SSBP2: variants seen among roughly 807,000 people sequenced by gnomAD.
SSBP2 encodes single-stranded DNA-binding protein 2.
In SSBP2, 17 loss-of-function variants were observed where a neutral mutation model predicts 61.8. The observed-to-expected ratio is 0.28, with a 90% confidence interval of 0.19 to 0.41. The LOEUF (loss-of-function observed/expected upper bound fraction) is 0.41. SSBP2 is among the 10% of genes least tolerant of loss of function. The pLI, the probability that SSBP2 is intolerant of heterozygous loss-of-function variation, is 1.00. For missense variants in SSBP2, 310 were observed against 458.7 expected, an observed-to-expected ratio of 0.68 and a Z score of 2.96; for synonymous variants, 139 against 141.3, an observed-to-expected ratio of 0.98 and a Z score of 0.12.
intron 4 of SSBP2, among the ~76,000 whole-genome samples, chr5:81,541,929 T>G (rs1771304547): frequency 6.6e-6 from 1 of 152,176 alleles, no homozygotes; most frequent in South Asian, 2.1e-4. Context: ...TGGAACCTAA[T>G]TCAACTAAAG....
intron 4 of SSBP2, among the ~76,000 whole-genome samples, chr5:81,514,705 T>C (rs1351575549): frequency 1.3e-5 from 2 of 152,054 alleles, no homozygotes; most frequent in East Asian, 1.9e-4. Context: ...TATTCATTCA[T>C]GCATTAATAT....
chr5:81,723,490 AG>A (rs1755678052), intron 1 of SSBP2, among the ~76,000 whole-genome samples: 1 of 152,034 alleles, frequency 6.6e-6, no homozygotes, highest in African/African-American at 2.4e-5. Flanking sequence ...AGAAACACAC[AG>A]AGTAAAAGTT....
intron 5 of SSBP2, among the ~76,000 whole-genome samples, chr5:81,508,883 ATTC>A (rs938445571): frequency 3.9e-5 from 6 of 152,212 alleles, no homozygotes; most frequent in Non-Finnish European, 5.9e-5. Context: ...ATTATAAATT[ATTC>A]TTCTTTACTT....
At chr5:81,590,596 C>T (rs1051478699) in intron 4 of SSBP2, among the ~76,000 whole-genome samples, 2 of 152,194 alleles carry the variant, frequency 1.3e-5, no homozygotes, top group Admixed American at 1.3e-4. Context: ...GGGGAATGCT[C>T]GTCCATTCAC....
intron 6 of SSBP2, among the ~76,000 whole-genome samples, chr5:81,476,996 GTA>G (rs1263042440): frequency 1.3e-5 from 2 of 151,982 alleles, no homozygotes; most frequent in Non-Finnish European, 2.9e-5. Context: ...GTGTGTGTGT[GTA>G]TGTGTGTGTG....
intron 4 of SSBP2, among the ~76,000 whole-genome samples, chr5:81,578,524 A>G (rs1774401921): frequency 6.6e-6 from 1 of 152,010 alleles, no homozygotes; most frequent in Non-Finnish European, 1.5e-5. Flanking sequence ...AGGGCCAAAG[A>G]TTTTTAAAAA....
At chr5:81,476,811 C>A (rs574314209) in intron 6 of SSBP2, among the ~76,000 whole-genome samples, 4 of 152,146 alleles carry the variant, frequency 2.6e-5, no homozygotes, top group Non-Finnish European at 5.9e-5. Flanking sequence ...CCATGTCCAT[C>A]ATTCTTTTTA....
At chr5:81,649,758 CCTT>C (rs1749573139) in intron 2 of SSBP2, among the ~76,000 whole-genome samples, 1 of 151,168 alleles carries the variant, frequency 6.6e-6, no homozygotes, top group African/African-American at 2.4e-5. Flanking sequence ...ACAAGTACCT[CCTT>C]ATCTAAAATA....
At chr5:81,718,588 G>C (rs894143161) in intron 1 of SSBP2, among the ~76,000 whole-genome samples, 7 of 152,152 alleles carry the variant, frequency 4.6e-5, no homozygotes, top group African/African-American at 1.7e-4. Context: ...GGAAGTTGGT[G>C]GGGGCTGAGG....
intron 6 of SSBP2, among the ~76,000 whole-genome samples, chr5:81,477,705 G>C (rs763218881): frequency 2.4e-4 from 36 of 151,132 alleles, no homozygotes; most frequent in Non-Finnish European, 4.1e-4. Flanking sequence ...CACTTTCAGA[G>C]AACTTAAATA....
At chr5:81,613,237 T>TATG (rs1745630327) in intron 4 of SSBP2, among the ~76,000 whole-genome samples, 1 of 150,610 alleles carries the variant, frequency 6.6e-6, no homozygotes, top group African/African-American at 2.4e-5. Flanking sequence ...GTGCTAATAT[T>TATG]CATAATGAAT....
intron 4 of SSBP2, among the ~76,000 whole-genome samples, chr5:81,609,517 T>A (rs528354198): frequency 5.9e-5 from 9 of 152,208 alleles, no homozygotes; most frequent in Non-Finnish European, 1.2e-4. Flanking sequence ...GAAATTTTTA[T>A]AAATCTTTGC....
rs1761522100 is a variant in SSBP2, at chr5:81,420,370, G to A, written c.*134C>T. Reference sequence around the variant, plus strand: ...TCTTCACAAAAGAGGGGAGAGAGCAGGAAATAAAAAGGTTGGTTTGGTGTG... The same window carrying A: ...TCTTCACAAAAGAGGGGAGAGAGCAAGAAATAAAAAGGTTGGTTTGGTGTG... On this transcript the variant is annotated 3_prime_UTR_variant, in exon 17 of 17. Transcript: ENST00000320672. 6.2e-6 allele frequency: 5 copies of A among 803,978 alleles called. No homozygotes were observed. 49.8% of individuals were successfully genotyped at this position (803,978 alleles called of 1,614,324 possible).
chr5:81,538,639 G>A (rs1771002502), intron 4 of SSBP2, among the ~76,000 whole-genome samples: 1 of 152,218 alleles, frequency 6.6e-6, no homozygotes, highest in Admixed American at 6.5e-5. Context: ...TGGTTCTCTT[G>A]TTAGCAGCTA....
At chr5:81,490,320 TAA>T (rs1766762059) in intron 5 of SSBP2, among the ~76,000 whole-genome samples, 1 of 152,006 alleles carries the variant, frequency 6.6e-6, no homozygotes, top group South Asian at 2.1e-4. Context: ...CAAAATTTTA[TAA>T]GTTTATTAAA....
chr5:81,644,604 C>A (rs186584159), intron 2 of SSBP2, among the ~76,000 whole-genome samples: 1 of 152,156 alleles, frequency 6.6e-6, no homozygotes, highest in Non-Finnish European at 1.5e-5. Context: ...AATGCCTAAT[C>A]TTTTTGGCTA....
At chr5:81,541,898 A>G (rs1012571662) in intron 4 of SSBP2, among the ~76,000 whole-genome samples, 3 of 152,276 alleles carry the variant, frequency 2.0e-5, no homozygotes, top group African/African-American at 7.2e-5. Context: ...AGCAATTGCA[A>G]CAAAAACAAA....
At chr5:81,585,114 A>G (rs2153488922) in intron 4 of SSBP2, among the ~76,000 whole-genome samples, 1 of 152,230 alleles carries the variant, frequency 6.6e-6, no homozygotes, top group African/African-American at 2.4e-5. Flanking sequence ...GAGTCTCAAC[A>G]ATACTGGTGA....
chr5:81,706,367 A>C (rs1329008166), intron 1 of SSBP2, among the ~76,000 whole-genome samples: 1 of 152,054 alleles, frequency 6.6e-6, no homozygotes, highest in African/African-American at 2.4e-5. Flanking sequence ...GGGCTGAAAA[A>C]CTGTTAGGTA....
Sources: gnomAD v4.1 joint callset for allele counts (sites outside exome capture counted in the v4.1 genomes callset) on GRCh38, gnomAD v4.1.1 for gene constraint, MANE v1.5 for transcripts, NCBI Gene and HGNC (gene_info 2026-07-23, HGNC 2026-07-21) for gene names.